The following ADAMTS6 variants were observed in gnomAD, a reference collection of about 807,000 sequenced individuals.
The protein encoded by ADAMTS6 is ADAM metallopeptidase with thrombospondin type 1 motif 6.
In ADAMTS6, 23 loss-of-function variants were observed where a neutral mutation model predicts 144.3. That is an observed-to-expected ratio of 0.16 (90% CI 0.11 to 0.23). The LOEUF (loss-of-function observed/expected upper bound fraction) is 0.23, where lower values mean the gene tolerates loss of function less well. Ranked by LOEUF, ADAMTS6 falls within the 10% of genes least tolerant of loss-of-function variation. The pLI is 1.00. For synonymous variants in ADAMTS6, 444 were observed against 457.5 expected (o/e 0.97, Z 0.38); for missense variants, 999 against 1,379.6 (o/e 0.72, Z 4.37).
At chr5:65,318,024 G>A (rs1224944262) in intron 9 of ADAMTS6, among the ~76,000 whole-genome samples, 29 of 131,886 alleles carry the variant, frequency 2.2e-4, no homozygotes, top group Non-Finnish European at 4.4e-4. Context: ...GCACTGAGCC[G>A]AGATGGTGGC....
At chr5:65,379,963 T>G (rs1219683498) in intron 7 of ADAMTS6, among the ~76,000 whole-genome samples, 1 of 152,188 alleles carries the variant, frequency 6.6e-6, no homozygotes, top group Non-Finnish European at 1.5e-5. Context: ...TACATTATAC[T>G]ATTTAACAGT....
intron 22 of ADAMTS6, among the ~76,000 whole-genome samples, chr5:65,179,299 A>G (rs938603718): frequency 2.6e-5 from 4 of 152,118 alleles, no homozygotes; most frequent in Non-Finnish European, 4.4e-5. Context: ...TTTGTATAAT[A>G]CTATTCTATA....
chr5:65,257,403 G>A (rs1162435636), intron 14 of ADAMTS6, among the ~76,000 whole-genome samples: 1 of 152,022 alleles, frequency 6.6e-6, no homozygotes, highest in Non-Finnish European at 1.5e-5. Context: ...CTCTCACCCT[G>A]TATTTCCTAC....
chr5:65,374,668 A>G (rs1751331163), intron 7 of ADAMTS6, among the ~76,000 whole-genome samples: 1 of 152,238 alleles, frequency 6.6e-6, no homozygotes, highest in Admixed American at 6.5e-5. Context: ...CAATGTCGTG[A>G]AAATGGCCAT....
At chr5:65,441,190 A>G (rs1222691091) in intron 7 of ADAMTS6, among the ~76,000 whole-genome samples, 1 of 152,194 alleles carries the variant, frequency 6.6e-6, no homozygotes, top group Non-Finnish European at 1.5e-5. Context: ...AAATTATACT[A>G]CATAAGATGA....
intron 7 of ADAMTS6, among the ~76,000 whole-genome samples, chr5:65,355,278 CT>C (rs1428892631): frequency 1.3e-5 from 2 of 151,708 alleles, no homozygotes; most frequent in South Asian, 4.1e-4. Context: ...AAGGTGGTGA[CT>C]TTTTTAGACA....
intron 7 of ADAMTS6, among the ~76,000 whole-genome samples, chr5:65,435,468 T>A (rs1340723040): frequency 6.6e-6 from 1 of 152,180 alleles, no homozygotes; most frequent in Non-Finnish European, 1.5e-5. Context: ...GTTTGGAATG[T>A]CTTAAGTTAC....
intron 7 of ADAMTS6, among the ~76,000 whole-genome samples, chr5:65,442,535 T>A (rs1447541235): frequency 6.6e-6 from 1 of 152,110 alleles, no homozygotes; most frequent in African/African-American, 2.4e-5. Flanking sequence ...AACTATCTCA[T>A]AACTCATTCT....
intron 7 of ADAMTS6, among the ~76,000 whole-genome samples, chr5:65,422,147 C>T (rs1351391079): frequency 1.3e-5 from 2 of 151,894 alleles, no homozygotes; most frequent in Middle Eastern, 3.2e-3. Context: ...GCAAATGACA[C>T]GAATAGGTAG....
At chr5:65,445,237 G>A (rs1284072739) in intron 7 of ADAMTS6, among the ~76,000 whole-genome samples, 1 of 152,134 alleles carries the variant, frequency 6.6e-6, no homozygotes, top group East Asian at 1.9e-4. Flanking sequence ...AACAAACATA[G>A]GTAATGCCTG....
intron 15 of ADAMTS6, among the ~76,000 whole-genome samples, chr5:65,234,170 G>A (rs764546561): frequency 1.3e-4 from 19 of 151,224 alleles, no homozygotes; most frequent in South Asian, 2.1e-4. Flanking sequence ...AGAATTAAAC[G>A]TAAGACTACT....
At chr5:65,361,976 CTGCCCACCT>C (rs1749866450) in intron 7 of ADAMTS6, among the ~76,000 whole-genome samples, 1 of 152,192 alleles carries the variant, frequency 6.6e-6, no homozygotes, top group Non-Finnish European at 1.5e-5. Context: ...CTCAAGCAAT[CTGCCCACCT>C]TGCCCTCCTA....
intron 24 of ADAMTS6, among the ~76,000 whole-genome samples, chr5:65,166,029 C>T (rs1201357925): frequency 1.4e-5 from 2 of 147,382 alleles, no homozygotes; most frequent in East Asian, 2.0e-4. Flanking sequence ...TCACACATAA[C>T]AATATTAACT....
intron 9 of ADAMTS6, among the ~76,000 whole-genome samples, chr5:65,308,138 G>A (rs79949599): frequency 1.3e-5 from 2 of 152,108 alleles, no homozygotes; most frequent in Non-Finnish European, 2.9e-5. Context: ...TATACAGCAG[G>A]GGGTACTGGG....
intron 1 of ADAMTS6, among the ~76,000 whole-genome samples, chr5:65,474,968 CA>C (rs1200007652): frequency 6.6e-6 from 1 of 151,526 alleles, no homozygotes; most frequent in Non-Finnish European, 1.5e-5. Context: ...TGCCTGAGTC[CA>C]AAATAAGAAG....
At chr5:65,375,414 G>C (rs1257021996) in intron 7 of ADAMTS6, among the ~76,000 whole-genome samples, 3 of 150,496 alleles carry the variant, frequency 2.0e-5, no homozygotes, top group African/African-American at 4.9e-5. Flanking sequence ...AAATTTACAA[G>C]AAAAAAACAA....
In ADAMTS6 at chr5:65,220,583, A is replaced by G. The variant is rs182115400; in HGVS notation, c.2272+3737T>C. Among the ~76,000 whole-genome samples the G allele has an allele frequency of 9.0e-3, 1,365 of 152,260 alleles. 14 individuals are homozygous for G. Among genetic ancestry groups the G allele is most frequent in the Non-Finnish European group, 0.012 (834 of 68,012 alleles). On this transcript the variant is annotated intron_variant, in intron 18 of 24. Coordinates refer to ENST00000381055, the MANE Select transcript of ADAMTS6 (RefSeq NM_197941.4). ...AACACGGTGAAACCCCGTTTCTACT[A>G]AAATTACAAAAAAATTAGCCGGGCG...
intron 11 of ADAMTS6, 64 bp downstream of exon 11, chr5:65,291,265 C>A: frequency 6.5e-7 from 1 of 1,533,898 alleles, no homozygotes; most frequent in South Asian, 1.3e-5. Context: ...GTAATTCCAT[C>A]TTAACATCTG....
chr5:65,313,233 A>C (rs951624870), intron 9 of ADAMTS6, among the ~76,000 whole-genome samples: 1 of 151,764 alleles, frequency 6.6e-6, no homozygotes, highest in Non-Finnish European at 1.5e-5. Context: ...GACTGGACTT[A>C]CCTATTTTTT....
Sources: gnomAD v4.1 joint callset for allele counts (sites outside exome capture counted in the v4.1 genomes callset) on GRCh38, gnomAD v4.1.1 for gene constraint, MANE v1.5 for transcripts, NCBI Gene and HGNC (gene_info 2026-07-23, HGNC 2026-07-21) for gene names.